DIAPH3: variants seen among roughly 807,000 people sequenced by gnomAD.
DIAPH3 encodes diaphanous related formin 3.
In DIAPH3, 117 loss-of-function variants were observed where a neutral mutation model predicts 144.3. The observed-to-expected ratio is 0.81, with a 90% confidence interval of 0.70 to 0.95. The LOEUF (loss-of-function observed/expected upper bound fraction) is 0.95, where lower values mean the gene tolerates loss of function less well. Ranked by LOEUF, DIAPH3 falls within the 40% of genes least tolerant of loss-of-function variation. The pLI, the probability that DIAPH3 is intolerant of heterozygous loss-of-function variation, is 0.00. For missense variants in DIAPH3, 1,421 were observed against 1,412.7 expected, an observed-to-expected ratio of 1.01 and a Z score of -0.09; for synonymous variants, 519 against 488.9, an observed-to-expected ratio of 1.06 and a Z score of -0.81.
chr13:60,132,838 A>C (rs938531152), intron 2 of DIAPH3, 119 bp downstream of exon 2: 4 of 822,960 alleles, frequency 4.9e-6, no homozygotes, highest in African/African-American at 3.4e-5. Context: ...CACTATAAGA[A>C]TAGTACGTTT....
At chr13:59,892,541 T>C (rs2045869839) in intron 20 of DIAPH3, among the ~76,000 whole-genome samples, 1 of 151,894 alleles carries the variant, frequency 6.6e-6, no homozygotes, top group Non-Finnish European at 1.5e-5. Flanking sequence ...GGTATATAGG[T>C]AAGTAGATAT....
chr13:59,861,400 C>A lies in DIAPH3; in HGVS notation c.2737+7G>T. 1 of 1,613,624 alleles carries A rather than the reference C, an allele frequency of 6.2e-7. No homozygotes were observed. Among genetic ancestry groups the A allele is most frequent in the Non-Finnish European group, 8.5e-7 (1 of 1,179,866 alleles). On this transcript the variant is annotated splice_region_variant and intron_variant, in intron 22 of 27. Coordinates refer to ENST00000400324, the MANE Select transcript of DIAPH3 (RefSeq NM_001042517.2). ...AGCCATGAAATGTTTCTTAAAAAGG[C>A]ACAAACCTTTACTAGCTTTGTCTAA...
intron 24 of DIAPH3, among the ~76,000 whole-genome samples, chr13:59,811,557 T>C (rs2040475844): frequency 6.6e-6 from 1 of 151,818 alleles, no homozygotes; most frequent in Admixed American, 6.5e-5. Context: ...GCTAACGTGG[T>C]GCAACTCTGT....
intron 17 of DIAPH3, among the ~76,000 whole-genome samples, chr13:59,956,575 T>C (rs1009953491): frequency 5.9e-5 from 9 of 152,198 alleles, no homozygotes; most frequent in African/African-American, 1.9e-4. Flanking sequence ...AAAGCCCTCA[T>C]GGAGAGCCTC....
intron 17 of DIAPH3, among the ~76,000 whole-genome samples, chr13:59,962,480 C>T (rs1478437136): frequency 1.3e-5 from 2 of 152,168 alleles, no homozygotes; most frequent in African/African-American, 4.8e-5. Context: ...AAGTTGTTAG[C>T]ACCTTTAGAA....
chr13:59,979,843 G>GT (rs1459563183), intron 14 of DIAPH3, among the ~76,000 whole-genome samples: 1 of 151,588 alleles, frequency 6.6e-6, no homozygotes, highest in Non-Finnish European at 1.5e-5. Context: ...GACAACAGTA[G>GT]TAAGAATTAT....
intron 20 of DIAPH3, among the ~76,000 whole-genome samples, chr13:59,896,603 AG>A (rs1321739760): frequency 1.6e-5 from 2 of 128,574 alleles, no homozygotes; most frequent in East Asian, 2.4e-4. Flanking sequence ...GGGTGGAGGC[AG>A]GGGGGTCGGT....
At chr13:60,066,660 T>G (rs756003220) in intron 4 of DIAPH3, among the ~76,000 whole-genome samples, 2 of 152,252 alleles carry the variant, frequency 1.3e-5, no homozygotes, top group Non-Finnish European at 2.9e-5. Flanking sequence ...ATTGTTCATA[T>G]GCTACATTCC....
At chr13:59,738,012 C>T (rs2036247220) in intron 27 of DIAPH3, among the ~76,000 whole-genome samples, 1 of 151,778 alleles carries the variant, frequency 6.6e-6, no homozygotes. Context: ...ACTAAAAATA[C>T]AAAAATTAGC....
chr13:60,024,349 A>G (rs956218615), intron 5 of DIAPH3, among the ~76,000 whole-genome samples: 19 of 152,032 alleles, frequency 1.2e-4, no homozygotes, highest in African/African-American at 3.9e-4. Flanking sequence ...CAGTTCACTA[A>G]TTCTCTCCTT....
intron 25 of DIAPH3, among the ~76,000 whole-genome samples, chr13:59,798,786 T>C (rs546412740): frequency 9.8e-5 from 15 of 152,310 alleles, no homozygotes; most frequent in Admixed American, 7.2e-4. Flanking sequence ...TGAGATTACA[T>C]GCAGTGCAGT....
At chr13:60,131,949 T>C (rs2059152877) in intron 2 of DIAPH3, among the ~76,000 whole-genome samples, 1 of 152,228 alleles carries the variant, frequency 6.6e-6, no homozygotes, top group Non-Finnish European at 1.5e-5. Context: ...CTACTTAATC[T>C]GTCTGAGCCT....
At chr13:60,129,567 G>A (rs2059083203) in intron 2 of DIAPH3, among the ~76,000 whole-genome samples, 1 of 152,126 alleles carries the variant, frequency 6.6e-6, no homozygotes, top group Non-Finnish European at 1.5e-5. Context: ...TAACATTAAT[G>A]CTTCCCGTGA....
intron 22 of DIAPH3, among the ~76,000 whole-genome samples, chr13:59,848,451 T>C (rs2042788591): frequency 6.6e-6 from 1 of 151,678 alleles, no homozygotes; most frequent in Non-Finnish European, 1.5e-5. Flanking sequence ...TATCTCCCAG[T>C]GCTATCCCTC....
chr13:59,991,038 G>A, intron 12 of DIAPH3, 120 bp downstream of exon 12: 1 of 646,122 alleles, frequency 1.5e-6, no homozygotes, highest in Non-Finnish European at 2.7e-6. Context: ...CACATTCTAT[G>A]AATCAGTGTT....
chr13:60,088,772 C>T (rs1406010024), intron 4 of DIAPH3, among the ~76,000 whole-genome samples: 4 of 152,078 alleles, frequency 2.6e-5, no homozygotes, highest in African/African-American at 9.7e-5. Flanking sequence ...CAGGCCTGTG[C>T]CACTACACCC....
intron 20 of DIAPH3, among the ~76,000 whole-genome samples, chr13:59,884,072 A>AG (rs1361745350): frequency 6.6e-6 from 1 of 152,140 alleles, no homozygotes; most frequent in Non-Finnish European, 1.5e-5. Flanking sequence ...CTGTATTTAT[A>AG]GCTGCTCCCT....
At chr13:59,829,519 T>C (rs1041913501) in intron 24 of DIAPH3, among the ~76,000 whole-genome samples, 3 of 151,898 alleles carry the variant, frequency 2.0e-5, no homozygotes, top group Admixed American at 6.6e-5. Context: ...ATAATAACAG[T>C]ACACATACCA....
chr13:59,681,070 C>T (rs1002921206), intron 27 of DIAPH3, among the ~76,000 whole-genome samples: 2 of 152,006 alleles, frequency 1.3e-5, no homozygotes, highest in African/African-American at 4.8e-5. Flanking sequence ...TCTTATTGTA[C>T]CTAGTTATAG....
Sources: allele counts gnomAD v4.1 joint callset (sites outside exome capture counted in the v4.1 genomes callset), GRCh38; gene constraint gnomAD v4.1.1; transcripts MANE v1.5; gene names NCBI Gene and HGNC (gene_info 2026-07-23, HGNC 2026-07-21).